FGF13: variants seen among roughly 807,000 people sequenced by gnomAD.
FGF13 encodes the protein fibroblast growth factor homologous factor 2.
A neutral mutation model predicts 19.5 loss-of-function variants in FGF13; 2 were observed. The observed-to-expected ratio is 0.10, with a 90% CI of 0.04 to 0.32. FGF13 has a LOEUF of 0.32. Ranked by LOEUF, FGF13 falls within the 10% of genes least tolerant of loss-of-function variation. The pLI is 1.00. For missense variants in FGF13, 113 were observed against 192.7 expected (o/e 0.59, Z 2.45); for synonymous variants, 72 against 76.9 (o/e 0.94, Z 0.33).
In FGF13 at chrX:138,628,908, G is replaced by A. The variant is rs894925238; in HGVS notation, c.*3942C>T. 1.8e-5 allele frequency: 2 copies of A among 111,834 alleles called. No individual in the cohort carries two copies. Among genetic ancestry groups the A allele is most frequent in the African/African-American group, 6.5e-5 (2 of 30,740 alleles). 9.2% of individuals were successfully genotyped at this position (111,834 alleles called of 1,213,427 possible). A position where few individuals can be genotyped will look rare whatever the true frequency, so the allele number is the denominator to read the frequency against. On this transcript the variant is annotated 3_prime_UTR_variant, in exon 5 of 5. Transcript: ENST00000315930. ...GATACAAACAAAACTCCTGGGAGGGGGAATTGGAGCCTGTTTTGCTTTTAA... is the reference window on the plus strand; with the variant it reads ...GATACAAACAAAACTCCTGGGAGGGAGAATTGGAGCCTGTTTTGCTTTTAA...
chrX:138,627,581 T>C lies in FGF13; in HGVS notation c.*5269A>G, dbSNP rs1353789323. 4.3e-4 allele frequency: 40 copies of C among 94,046 alleles called. 2 individuals are homozygous for C. Among genetic ancestry groups the C allele is most frequent in the Non-Finnish European group, 4.2e-5 (2 of 47,853 alleles). 7.8% of individuals were successfully genotyped at this position (94,046 alleles called of 1,213,427 possible). ...AGCTCTGAGTTCTTTTGGAGGCCCA[T>C]CTAGTGTGTGTGTGCCTGTGTGTGT... On this transcript the variant is annotated 3_prime_UTR_variant, in exon 5 of 5. Transcript: ENST00000315930.
chrX:138,778,963 A>C (rs1226068651), intron 3 of FGF13, among the ~76,000 whole-genome samples: 2 of 112,321 alleles, frequency 1.8e-5, no homozygotes, highest in African/African-American at 6.5e-5. Context: ...CACGAGCTGG[A>C]GATCTGAGAA....
rs183908977 is a variant in FGF13, at chrX:139,010,884, A to G, written c.-112-146234T>C. Among the ~76,000 whole-genome samples the G allele has an allele frequency of 4.5e-5, 5 of 111,906 alleles. No individual in the cohort carries two copies. In the East Asian group the frequency reaches 1.4e-3, roughly 31 times the overall value. The stretch of plus-strand genomic sequence containing the variant: ...CAAAAAGCTGGTTCTTGGAAAATAT[A>G]AGTAAAATTGATAGACAATTAGTGA... On this transcript the variant is annotated intron_variant, in intron 1 of 2. Transcript: ENST00000421460.
chrX:139,099,377 CA>C (rs59882808), intron 1 of FGF13, among the ~76,000 whole-genome samples: 1,023 of 32,934 alleles, frequency 0.031, 11 homozygotes, highest in East Asian at 0.21. Context: ...GTTTCTATCT[CA>C]AAAAAAAAAA....
intron 2 of FGF13, among the ~76,000 whole-genome samples, chrX:138,707,190 T>G (rs1326854485): frequency 8.9e-6 from 1 of 111,733 alleles, no homozygotes; most frequent in East Asian, 2.8e-4. Context: ...GTGTATCTCT[T>G]AAAATGATTA....
At chrX:138,892,427 G>C (rs2091482624) in intron 1 of FGF13, among the ~76,000 whole-genome samples, 5 of 112,023 alleles carry the variant, frequency 4.5e-5, no homozygotes, top group Admixed American at 3.8e-4. Flanking sequence ...GAAAGATTAA[G>C]TAGGGAATTA....
chrX:138,637,746 C>T (rs1394669821), intron 3 of FGF13, among the ~76,000 whole-genome samples: 2 of 111,404 alleles, frequency 1.8e-5, no homozygotes, highest in Admixed American at 1.9e-4. Flanking sequence ...ATGTGTGCTA[C>T]CATAAGGAAA....
intron 1 of FGF13, among the ~76,000 whole-genome samples, chrX:139,062,313 G>T (rs115592076): frequency 0.042 from 4,636 of 111,412 alleles, 218 homozygotes; most frequent in African/African-American, 0.14. Context: ...ATTTATTAAA[G>T]ACTGTCCCTT....
At chrX:139,169,577 G>T (rs1393063011) in intron 1 of FGF13, among the ~76,000 whole-genome samples, 7 of 110,751 alleles carry the variant, frequency 6.3e-5, no homozygotes, top group Admixed American at 3.9e-4. Flanking sequence ...TCCTGCCTCA[G>T]CCTCCCAAAG....
At chrX:138,952,636 A>G (rs1460059009) in intron 1 of FGF13, among the ~76,000 whole-genome samples, 2 of 111,597 alleles carry the variant, frequency 1.8e-5, no homozygotes, top group Non-Finnish European at 3.8e-5. Context: ...CAGAGTGAAC[A>G]GGCAACCTAC....
At chrX:138,776,526 G>A (rs1442398356) in intron 3 of FGF13, among the ~76,000 whole-genome samples, 3 of 111,992 alleles carry the variant, frequency 2.7e-5, no homozygotes, top group East Asian at 2.8e-4. Flanking sequence ...TAAGTGATAT[G>A]CCAAAGGCCT....
At position 138,631,312 on chromosome X, in the gene FGF13, A is replaced by G. The variant is rs1397834433; in HGVS notation, c.*1538T>C. 3 of 112,445 alleles carry G rather than the reference A, an allele frequency of 2.7e-5. No individual in the cohort carries two copies. The East Asian group carries it at 8.3e-4, about 31-fold the overall frequency. 9.3% of individuals were successfully genotyped at this position (112,445 alleles called of 1,213,427 possible). On this transcript the variant is annotated 3_prime_UTR_variant, in exon 5 of 5. Transcript: ENST00000315930. The stretch of plus-strand genomic sequence containing the variant: ...GAGGGGAAATGACACTGTGAGTGGC[A>G]GAGAAAATACTAGCACAAACGCCTC...
At chrX:138,954,908 G>T (rs1235801922) in intron 1 of FGF13, among the ~76,000 whole-genome samples, 1 of 111,981 alleles carries the variant, frequency 8.9e-6, no homozygotes, top group Non-Finnish European at 1.9e-5. Context: ...GGAAGTCATA[G>T]GCCTCATTAA....
intron 3 of FGF13, among the ~76,000 whole-genome samples, chrX:138,683,354 G>A (rs1469429461): frequency 9.1e-6 from 1 of 110,183 alleles, no homozygotes; most frequent in Non-Finnish European, 1.9e-5. Context: ...AGGACCATCA[G>A]TGCTTGGATG....
intron 3 of FGF13, among the ~76,000 whole-genome samples, chrX:138,776,714 C>T (rs1353485921): frequency 8.9e-6 from 1 of 112,147 alleles, no homozygotes; most frequent in Admixed American, 9.5e-5. Flanking sequence ...TCTTTCCTCT[C>T]TGTCCTTTGC....
rs1356933004 is a variant in FGF13, at chrX:138,615,370, T to C, written c.*17480A>G. 1.8e-5 allele frequency: 2 copies of C among 112,387 alleles called. No homozygotes were observed. The highest frequency in any genetic ancestry group is 5.6e-4 in the East Asian group (2 of 3,587). The allele number at this position is 112,387 out of a possible 1,213,427, so 9.3% of individuals were successfully genotyped here. Reference sequence around the variant, plus strand: ...CTCTTTGCATCTTCCTTTGAATCTATAAATATTTCAAAATAAAAGTTTTAA... The same window carrying C: ...CTCTTTGCATCTTCCTTTGAATCTACAAATATTTCAAAATAAAAGTTTTAA... On this transcript the variant is annotated 3_prime_UTR_variant, in exon 5 of 5. Coordinates refer to ENST00000315930, the MANE Select transcript of FGF13 (RefSeq NM_004114.5).
chrX:139,164,991 A>C (rs1481536307), intron 1 of FGF13, among the ~76,000 whole-genome samples: 1 of 111,808 alleles, frequency 8.9e-6, no homozygotes, highest in Non-Finnish European at 1.9e-5. Flanking sequence ...GGGAGGGCTC[A>C]GAAGAAAAGA....
intron 3 of FGF13, among the ~76,000 whole-genome samples, chrX:138,662,395 T>C (rs1602669321): frequency 8.9e-6 from 1 of 111,993 alleles, no homozygotes; most frequent in East Asian, 2.8e-4. Context: ...CATATTCTTG[T>C]GAGTTAAAAG....
At chrX:139,039,226 A>G (rs926344461) in intron 1 of FGF13, among the ~76,000 whole-genome samples, 1 of 112,252 alleles carries the variant, frequency 8.9e-6, no homozygotes, top group African/African-American at 3.2e-5. Context: ...TCCTTACCTA[A>G]AAATGAGGAA....
Sources: allele counts gnomAD v4.1 joint callset (sites outside exome capture counted in the v4.1 genomes callset), GRCh38; gene constraint gnomAD v4.1.1; transcripts MANE v1.5; gene names NCBI Gene and HGNC (gene_info 2026-07-23, HGNC 2026-07-21).